Variants in SPON1 observed in about 807,000 individuals in gnomAD.
SPON1 encodes spondin 1.
Under a neutral mutation model 111.7 loss-of-function variants are expected in SPON1, and 52 were observed. The observed-to-expected ratio is 0.47, with a 90% CI of 0.37 to 0.59. SPON1 has a LOEUF of 0.59. SPON1 is among the 20% of genes least tolerant of loss of function. The probability of loss-of-function intolerance (pLI) is 0.00; values close to 1 mark genes in which losing one functional copy is unlikely to be tolerated. For missense variants in SPON1, 957 were observed against 1,068.5 expected, an observed-to-expected ratio of 0.90 and a Z score of 1.46; for synonymous variants, 410 against 395.8, an observed-to-expected ratio of 1.04 and a Z score of -0.43.
At chr11:13,986,262 A>G (rs782479885) in intron 2 of SPON1, among the ~76,000 whole-genome samples, 2 of 151,748 alleles carry the variant, frequency 1.3e-5, no homozygotes, top group Non-Finnish European at 2.9e-5. Flanking sequence ...TTGTAATTAA[A>G]TATATATATA....
chr11:14,221,791 G>A (rs532963348), intron 6 of SPON1, among the ~76,000 whole-genome samples: 1 of 152,174 alleles, frequency 6.6e-6, no homozygotes, highest in Non-Finnish European at 1.5e-5. Context: ...CAAGAGGAAA[G>A]GTCAGGCTCC....
intron 1 of SPON1, among the ~76,000 whole-genome samples, chr11:13,965,032 A>G (rs149882854): frequency 6.6e-6 from 1 of 152,188 alleles, no homozygotes; most frequent in Non-Finnish European, 1.5e-5. Context: ...TAGGGAGTAA[A>G]TGAGTTTACA....
chr11:13,966,139 G>A (rs1554908025), intron 1 of SPON1, among the ~76,000 whole-genome samples: 1 of 152,250 alleles, frequency 6.6e-6, no homozygotes, highest in African/African-American at 2.4e-5. Flanking sequence ...CAAGTTGTTA[G>A]TATTATATTG....
At chr11:14,182,196 G>A (rs1229480097) in intron 6 of SPON1, among the ~76,000 whole-genome samples, 1 of 152,108 alleles carries the variant, frequency 6.6e-6, no homozygotes, top group Non-Finnish European at 1.5e-5. Flanking sequence ...GAGACTACTT[G>A]TTTCCATACA....
At chr11:13,964,070 GACCAGC>G (rs1847996826) in intron 1 of SPON1, among the ~76,000 whole-genome samples, 1 of 152,166 alleles carries the variant, frequency 6.6e-6, no homozygotes, top group Admixed American at 6.5e-5. Context: ...CAGGCAGTTC[GACCAGC>G]ACCGATCTGA....
At chr11:14,046,863 C>T (rs577248808) in intron 3 of SPON1, among the ~76,000 whole-genome samples, 7 of 152,262 alleles carry the variant, frequency 4.6e-5, no homozygotes, top group African/African-American at 9.6e-5. Context: ...TTTGGTCTTT[C>T]GTATCCTTCT....
At chr11:14,174,613 A>C (rs1408696340) in intron 6 of SPON1, among the ~76,000 whole-genome samples, 1 of 151,900 alleles carries the variant, frequency 6.6e-6, no homozygotes, top group Non-Finnish European at 1.5e-5. Flanking sequence ...AGGCTACCGG[A>C]AGTTATCTTA....
chr11:14,190,523 C>T lies in SPON1; in HGVS notation c.826-52809C>T, dbSNP rs1479649549. Among the ~76,000 whole-genome samples the T allele has an allele frequency of 2.6e-5, 4 of 151,450 alleles. No homozygotes were observed. The East Asian group carries it at 7.7e-4, about 29-fold the overall frequency. ...ACTTCCTTCCTTCTTTAGTTCCTTC[C>T]TTCCATCCTTCTTCCTTCCTCCTTC... On this transcript the variant is annotated intron_variant, in intron 6 of 15. Transcript: ENST00000576479.
intron 1 of SPON1, among the ~76,000 whole-genome samples, chr11:13,974,002 C>T (rs537750422): frequency 2.0e-5 from 3 of 152,316 alleles, no homozygotes; most frequent in East Asian, 3.9e-4. Flanking sequence ...TAATCCAACC[C>T]CACCATCCTC....
intron 6 of SPON1, among the ~76,000 whole-genome samples, chr11:14,177,176 G>T (rs2133885341): frequency 6.6e-6 from 1 of 152,176 alleles, no homozygotes; most frequent in East Asian, 1.9e-4. Context: ...GAGTAGCTGG[G>T]ACTACAGGCG....
In SPON1 at chr11:14,092,928, A is replaced by G. The variant is rs911431617; in HGVS notation, c.676+12907A>G. ...TCCTTTTTGCCTTCCTCTGTAGGCT[A>G]TTAGGAGGCCATCAATCTTCTGTCC... On this transcript the variant is annotated intron_variant, in intron 5 of 15. Transcript: ENST00000576479. Among the ~76,000 whole-genome samples, 4 of 152,176 alleles carry G rather than the reference A, an allele frequency of 2.6e-5. No homozygotes were observed. In the South Asian group the frequency reaches 6.2e-4, roughly 24 times the overall value.
chr11:14,148,859 AGTG>A (rs1449367846), intron 6 of SPON1, among the ~76,000 whole-genome samples: 2 of 152,306 alleles, frequency 1.3e-5, no homozygotes, highest in East Asian at 3.9e-4. Flanking sequence ...CTTGCCATCT[AGTG>A]GTAAAAAAAG....
chr11:13,978,338 A>G (rs1043690825), intron 1 of SPON1, among the ~76,000 whole-genome samples: 1 of 152,196 alleles, frequency 6.6e-6, no homozygotes, highest in Admixed American at 6.5e-5. Context: ...CAATTTGAGG[A>G]TAATTGACAT....
At chr11:14,015,934 T>G (rs1269809073) in intron 2 of SPON1, among the ~76,000 whole-genome samples, 1 of 152,186 alleles carries the variant, frequency 6.6e-6, no homozygotes, top group Admixed American at 6.5e-5. Context: ...CCACGGATTC[T>G]AGGAGGGATC....
intron 1 of SPON1, among the ~76,000 whole-genome samples, chr11:13,980,163 C>T (rs1313303799): frequency 1.3e-5 from 2 of 152,056 alleles, no homozygotes; most frequent in African/African-American, 2.4e-5. Flanking sequence ...GCCTCAGCCT[C>T]GTGAGTAGCT....
chr11:14,259,265 C>T lies in SPON1; in HGVS notation c.1493-15C>T, dbSNP rs1251380168. On this transcript the variant is annotated splice_polypyrimidine_tract_variant and intron_variant, in intron 11 of 15. Transcript: ENST00000576479. The surrounding 1 kb of genome is among the most constrained non-coding windows in gnomAD (Gnocchi z 5.0). ...CCACCGTGCACTGCTGCAGCGTTCA[C>T]TCGGTGTGTTGCAGACGGCTCCACC... The T allele has an allele frequency of 6.2e-7, 1 of 1,602,074 alleles. No homozygotes were observed. The highest frequency in any genetic ancestry group is 8.5e-7 in the Non-Finnish European group (1 of 1,174,266).
At chr11:13,970,565 AG>A (rs1349173880) in intron 1 of SPON1, among the ~76,000 whole-genome samples, 4 of 152,124 alleles carry the variant, frequency 2.6e-5, no homozygotes, top group African/African-American at 9.7e-5. Flanking sequence ...TGGTGATTCT[AG>A]GTGCTACAGG....
intron 3 of SPON1, among the ~76,000 whole-genome samples, chr11:14,071,348 G>C (rs1461066199): frequency 1.3e-5 from 2 of 151,996 alleles, no homozygotes; most frequent in Non-Finnish European, 2.9e-5. Context: ...CAGGGTTCTG[G>C]GCTCAGTTTG....
chr11:13,987,989 G>GCCT (rs1848198592), intron 2 of SPON1, among the ~76,000 whole-genome samples: 1 of 152,142 alleles, frequency 6.6e-6, no homozygotes, highest in South Asian at 2.1e-4. Flanking sequence ...GTAGCATGAT[G>GCCT]CCTCCAGCTT....
Sources: gnomAD v4.1 joint callset for allele counts (sites outside exome capture counted in the v4.1 genomes callset) on GRCh38, gnomAD v4.1.1 for gene constraint, Gnocchi (gnomAD v3.1) non-coding constraint, MANE v1.5 for transcripts, NCBI Gene and HGNC (gene_info 2026-07-23, HGNC 2026-07-21) for gene names.